Variants in KPNA6 observed in about 807,000 individuals in gnomAD.
The protein encoded by KPNA6 is karyopherin subunit alpha 6.
In KPNA6, 9 loss-of-function variants were observed where a neutral mutation model predicts 72.0. The observed-to-expected ratio is 0.13, with a 90% CI of 0.08 to 0.22. The LOEUF (loss-of-function observed/expected upper bound fraction) is 0.22, where lower values mean the gene tolerates loss of function less well. Ranked by LOEUF, KPNA6 falls within the 10% of genes least tolerant of loss-of-function variation. The probability of loss-of-function intolerance (pLI) is 1.00; values close to 1 mark genes in which losing one functional copy is unlikely to be tolerated. For missense variants in KPNA6, 374 were observed against 655.7 expected, an observed-to-expected ratio of 0.57 and a Z score of 4.69; for synonymous variants, 219 against 242.1, an observed-to-expected ratio of 0.90 and a Z score of 0.89.
intron 10 of KPNA6, among the ~76,000 whole-genome samples, chr1:32,164,325 G>C (rs963553833): frequency 2.6e-5 from 4 of 152,094 alleles, no homozygotes; most frequent in African/African-American, 9.7e-5. Context: ...TCCACCTTTT[G>C]GCTATTGTGA....
rs763107393 is a variant in KPNA6, at chr1:32,167,182, C to G, written c.1130C>G (p.Ala377Gly). The G allele has an allele frequency of 5.0e-6, 8 of 1,613,948 alleles. No individual in the cohort carries two copies. The South Asian group carries it at 5.5e-5, about 11-fold the overall frequency. ...NRAQIQAVIDANIFPVLIEIL... is the reference protein window; with the variant it reads ...NRAQIQAVIDGNIFPVLIEIL... ...ATTCTCTCTCAGGCTGTTATAGATG[C>G]AAATATCTTCCCTGTGTTGATCGAA... Residue 377 changes from alanine to glycine, a missense_variant, in exon 12 of 14, where the codon GCA (alanine) becomes GGA (glycine). Ala to Gly is a moderately conservative substitution (Grantham distance 60). Transcript: ENST00000373625.
intron 1 of KPNA6, among the ~76,000 whole-genome samples, chr1:32,147,874 GTTC>G (rs1294373165): frequency 6.6e-6 from 1 of 151,712 alleles, no homozygotes; most frequent in Admixed American, 6.6e-5. Flanking sequence ...TGCCCAGGCT[GTTC>G]TTGAACTCTT....
rs1557450768 is a variant in KPNA6, at chr1:32,108,109, A to G, written c.-22A>G. ...GCTGCCGCCGTTGCCTCCGCCGCCAAGAGTGAGCGAGCGGACCCGCGATGG... is the reference window on the plus strand; with the variant it reads ...GCTGCCGCCGTTGCCTCCGCCGCCAGGAGTGAGCGAGCGGACCCGCGATGG... On this transcript the variant is annotated 5_prime_UTR_variant, in exon 1 of 14. Coordinates refer to ENST00000373625, the MANE Select transcript of KPNA6 (RefSeq NM_012316.5). The G allele has an allele frequency of 1.2e-6, 2 of 1,614,066 alleles. No homozygotes were observed. Among genetic ancestry groups the G allele is most frequent in the Admixed American group, 1.7e-5 (1 of 60,028 alleles).
chr1:32,160,282 A>G (rs986485846), intron 6 of KPNA6, among the ~76,000 whole-genome samples: 2 of 147,960 alleles, frequency 1.4e-5, no homozygotes, highest in African/African-American at 5.0e-5. Context: ...CCTGGGTGAC[A>G]GAGCGAGACT....
chr1:32,119,721 C>T (rs947685659), intron 1 of KPNA6, among the ~76,000 whole-genome samples: 1 of 150,724 alleles, frequency 6.6e-6, no homozygotes, highest in South Asian at 2.1e-4. Flanking sequence ...ATTCCTCTCC[C>T]TCTTGAAGCT....
intron 1 of KPNA6, among the ~76,000 whole-genome samples, chr1:32,137,396 C>T (rs184983899): frequency 1.3e-3 from 201 of 152,222 alleles, no homozygotes; most frequent in African/African-American, 4.8e-3. Flanking sequence ...TGGTCTCTAA[C>T]TCCTGGGCTC....
At chr1:32,166,031 AACAAC>A in intron 10 of KPNA6, 69 bp from the exon 11 acceptor site, 13 of 1,495,252 alleles carry the variant, frequency 8.7e-6, no homozygotes, top group East Asian at 4.8e-5. Flanking sequence ...CAACAACAAC[AACAAC>A]AAAAAAACAT....
chr1:32,119,889 C>T (rs371434804), intron 1 of KPNA6, among the ~76,000 whole-genome samples: 19 of 151,974 alleles, frequency 1.3e-4, no homozygotes, highest in East Asian at 3.9e-4. Flanking sequence ...GCATTACAGG[C>T]GCTCACCACT....
intron 1 of KPNA6, among the ~76,000 whole-genome samples, chr1:32,120,616 G>C (rs1418517421): frequency 1.3e-5 from 2 of 151,958 alleles, no homozygotes; most frequent in Non-Finnish European, 2.9e-5. Flanking sequence ...ACCCAGGCTG[G>C]AGTGCAGTGG....
At chr1:32,161,332 T>C (rs114306320) in intron 7 of KPNA6, among the ~76,000 whole-genome samples, 35 of 152,356 alleles carry the variant, frequency 2.3e-4, no homozygotes, top group African/African-American at 7.5e-4. Context: ...TGATTTGTTA[T>C]GGGGTTTTGC....
chr1:32,161,877 C>G (rs576556122), intron 7 of KPNA6, 70 bp from the exon 8 acceptor site: 1 of 1,147,814 alleles, frequency 8.7e-7, no homozygotes, highest in African/African-American at 1.5e-5. Flanking sequence ...GGATTTGTCT[C>G]TGGGTTCATT....
Position 32,166,039 on chromosome 1 carries a change from A to G in KPNA6, c.991-66A>G, listed in dbSNP as rs568936849. 109 of 1,522,386 alleles carry G rather than the reference A, an allele frequency of 7.2e-5. 2 individuals carry two copies. The Admixed American group carries it at 2.4e-3, about 33-fold the overall frequency. The allele number at this position is 1,522,386 out of a possible 1,614,324, so 94.3% of individuals were successfully genotyped here. A position where few individuals can be genotyped will look rare whatever the true frequency, so the allele number is the denominator to read the frequency against. On this transcript the variant is annotated intron_variant, in intron 10 of 13. Transcript: ENST00000373625. ...ACAACAACAACAACAACAACAACAA[A>G]AAAACATAAAAAAAATTAAAAACAG... is the stretch of plus-strand genomic sequence containing the variant.
intron 1 of KPNA6, among the ~76,000 whole-genome samples, chr1:32,140,731 C>T (rs1170445863): frequency 6.6e-6 from 1 of 152,148 alleles, no homozygotes; most frequent in Non-Finnish European, 1.5e-5. Context: ...CAAGGAATCA[C>T]AGGTGAGATT....
Position 32,167,230 on chromosome 1 carries a change from G to A in KPNA6, c.1178G>A (p.Arg393His), listed in dbSNP as rs1205083302. 5 of 1,613,716 alleles carry A rather than the reference G, an allele frequency of 3.1e-6. No homozygotes were observed. The highest frequency in any genetic ancestry group is 3.4e-6 in the Non-Finnish European group (4 of 1,179,936). The change falls in exon 12 of 14, where the codon CGT becomes CAT. Residue 393 changes from arginine (R) to histidine (H), a missense_variant. Arg to His is a conservative substitution (Grantham distance 29). Transcript: ENST00000373625. The stretch of plus-strand genomic sequence containing the variant: ...GAAATCCTTCAGAAAGCAGAGTTTC[G>A]TACAAGGAAAGAGGCAGCCTGGGCC... The part of the protein sequence containing the change: ...LIEILQKAEF[R>H]TRKEAAWAIT...
At chr1:32,145,999 TTTA>T (rs1233297577) in intron 1 of KPNA6, among the ~76,000 whole-genome samples, 1 of 152,228 alleles carries the variant, frequency 6.6e-6, no homozygotes, top group Non-Finnish European at 1.5e-5. Flanking sequence ...TCTTCCAAAA[TTTA>T]TTGAGACACT....
intron 5 of KPNA6, among the ~76,000 whole-genome samples, chr1:32,158,647 T>G (rs1642186006): frequency 1.3e-5 from 2 of 152,370 alleles, no homozygotes; most frequent in African/African-American, 4.8e-5. Flanking sequence ...TGGGTTTTTT[T>G]GTACCCATTA....
intron 1 of KPNA6, among the ~76,000 whole-genome samples, chr1:32,117,795 A>T (rs929077116): frequency 3.3e-5 from 5 of 152,146 alleles, no homozygotes; most frequent in African/African-American, 1.2e-4. Flanking sequence ...TAGCTAATAC[A>T]TGGAAGAGAC....
At chr1:32,124,014 CAG>C (rs1641484934) in intron 1 of KPNA6, among the ~76,000 whole-genome samples, 1 of 106,374 alleles carries the variant, frequency 9.4e-6, no homozygotes, top group Non-Finnish European at 1.7e-5. Flanking sequence ...TGCCTGGCGA[CAG>C]AGCAAGACTC....
chr1:32,165,886 G>A (rs182049284), intron 10 of KPNA6, among the ~76,000 whole-genome samples: 62 of 151,250 alleles, frequency 4.1e-4, no homozygotes, highest in Admixed American at 1.3e-3. Flanking sequence ...TAATCCAAGC[G>A]TCTTGGGAGG....
Sources: gnomAD v4.1 joint callset for allele counts (sites outside exome capture counted in the v4.1 genomes callset) on GRCh38, gnomAD v4.1.1 for gene constraint, MANE v1.5 for transcripts, NCBI Gene and HGNC (gene_info 2026-07-23, HGNC 2026-07-21) for gene names.